Variants in PDXDC1 observed in about 807,000 individuals in gnomAD.
PDXDC1 encodes pyridoxal dependent decarboxylase domain containing 1.
PDXDC1 carries 42 observed loss-of-function variants against 100.1 expected under a neutral mutation model. That is an observed-to-expected ratio of 0.42 (90% CI 0.33 to 0.54). The LOEUF (loss-of-function observed/expected upper bound fraction) is 0.54. PDXDC1 is among the 20% of genes least tolerant of loss of function. PDXDC1 has a pLI of 0.10. For missense variants in PDXDC1, 636 were observed against 979.2 expected (o/e 0.65, Z 4.68); for synonymous variants, 260 against 371.7 (o/e 0.70, Z 3.46).
At chr16:15,147,209 T>G in the PDXDC1 span, among the ~76,000 whole-genome samples, 1 of 142,942 alleles carries the variant, frequency 7.0e-6, no homozygotes, top group African/African-American at 2.7e-5. Context: ...TGCACCTGGG[T>G]GCAGGGCCCC....
intron 16 of PDXDC1, among the ~76,000 whole-genome samples, chr16:15,096,962 C>G (rs1437093843): frequency 3.9e-5 from 6 of 152,162 alleles, no homozygotes; most frequent in African/African-American, 1.4e-4. Flanking sequence ...CCCATTCTTT[C>G]CCTTAAAAAA....
chr16:15,024,712 C>T (rs2042456976), intron 13 of PDXDC1, among the ~76,000 whole-genome samples: 1 of 152,282 alleles, frequency 6.6e-6, no homozygotes, highest in Non-Finnish European at 1.5e-5. Context: ...CGCCCAGCCT[C>T]CCCAGTCCCA....
chr16:15,001,900 G>C (rs1241964705), intron 4 of PDXDC1, 44 bp downstream of exon 4: 3 of 1,516,976 alleles, frequency 2.0e-6, no homozygotes, highest in East Asian at 4.9e-5. Flanking sequence ...ATGTGTTCTT[G>C]ATTTCAGTAG....
intron 16 of PDXDC1, chr16:15,047,643 C>T: frequency 2.0e-6 from 2 of 1,015,844 alleles, no homozygotes; most frequent in Non-Finnish European, 3.1e-6. Context: ...ACCGCCTCAT[C>T]TTTGAATATC....
chr16:15,096,570 C>T (rs1228710357), intron 16 of PDXDC1, among the ~76,000 whole-genome samples: 1 of 152,226 alleles, frequency 6.6e-6, no homozygotes, highest in African/African-American at 2.4e-5. Flanking sequence ...CCGTAGCTCA[C>T]AAAGATACTT....
At chr16:15,046,178 C>T (rs2044053007) in intron 16 of PDXDC1, 1 of 152,322 alleles carries the variant, frequency 6.6e-6, no homozygotes. Context: ...TCCATGAAGC[C>T]AGCCCAGCCT....
downstream of PDXDC1, among the ~76,000 whole-genome samples, chr16:15,141,415 A>G (rs939454533): frequency 1.1e-4 from 17 of 152,256 alleles, no homozygotes; most frequent in African/African-American, 4.1e-4. Context: ...CTGGGCGCCC[A>G]GACAGATGAG....
downstream of PDXDC1, chr16:15,038,582 T>G (rs2043656523): frequency 6.4e-7 from 1 of 1,561,098 alleles, no homozygotes; most frequent in African/African-American, 1.4e-5. Flanking sequence ...ACCTCTAGTA[T>G]TTGCTTGTCA....
intron 16 of PDXDC1, chr16:15,047,818 G>A (rs771046781): frequency 2.6e-6 from 4 of 1,543,762 alleles, no homozygotes; most frequent in Non-Finnish European, 1.8e-6. Context: ...GGTTGGGTCA[G>A]TTTAAGTAAT....
intron 16 of PDXDC1, among the ~76,000 whole-genome samples, chr16:15,030,544 C>CA (rs1156634836): frequency 0.013 from 505 of 38,290 alleles, 42 homozygotes; most frequent in Middle Eastern, 0.067. Context: ...GACTCCATCT[C>CA]AAAAAAAAAA....
chr16:15,132,522 G>A (rs562102719), intron 16 of PDXDC1, among the ~76,000 whole-genome samples: 17 of 150,516 alleles, frequency 1.1e-4, no homozygotes, highest in African/African-American at 3.4e-4. Context: ...TGGGTCCCCC[G>A]AGAGGCACCC....
chr16:15,128,721 C>G (rs2047895316), intron 16 of PDXDC1, among the ~76,000 whole-genome samples: 1 of 152,138 alleles, frequency 6.6e-6, no homozygotes, highest in South Asian at 2.1e-4. Flanking sequence ...TGACCCGCAC[C>G]ACACACCCGT....
intron 16 of PDXDC1, among the ~76,000 whole-genome samples, chr16:15,081,567 C>T (rs2045704339): frequency 6.6e-6 from 1 of 152,186 alleles, no homozygotes; most frequent in African/African-American, 2.4e-5. Context: ...GAGTTCTTTA[C>T]ATATACAAGT....
At chr16:15,024,196 CAATAA>C (rs1227453593) in intron 13 of PDXDC1, among the ~76,000 whole-genome samples, 2 of 152,276 alleles carry the variant, frequency 1.3e-5, no homozygotes, top group Non-Finnish European at 2.9e-5. Context: ...GTAGAGGATA[CAATAA>C]TTGGCTAATA....
intron 16 of PDXDC1, chr16:15,086,371 A>T (rs1165675345): frequency 1.2e-6 from 2 of 1,613,644 alleles, no homozygotes; most frequent in Non-Finnish European, 8.5e-7. Context: ...TTACTAATAT[A>T]ATACTGATAA....
Position 15,028,916 on chromosome 16 carries a change from C to G in PDXDC1, c.1243C>G (p.Pro415Ala). The change falls in exon 15 of 23, where the codon CCT becomes GCT. Residue 415 changes from proline to alanine, a missense_variant. Around this residue, in one of 4 missense-constraint regions of PDXDC1, gnomAD observed 44 missense variants for 46.9 expected, o/e 0.94. Coordinates refer to ENST00000396410, the MANE Select transcript of PDXDC1 (RefSeq NM_015027.4). ...FKAVPVPNMT[P>A]SGVGRERHSC... ...AGCCGTCCCAGTGCCCAACATGACA[C>G]CTTCAGGAGTCGGCCGGGAGAGGCA... 1 of 1,613,980 alleles carries G rather than the reference C, an allele frequency of 6.2e-7. No individual in the cohort carries two copies. Among genetic ancestry groups the G allele is most frequent in the South Asian group, 1.1e-5 (1 of 91,080 alleles).
intron 12 of PDXDC1, among the ~76,000 whole-genome samples, chr16:15,021,830 TTCCTTCTCTTC>T (rs1313624427): frequency 1.3e-5 from 2 of 152,288 alleles, no homozygotes; most frequent in African/African-American, 4.8e-5. Flanking sequence ...CATCCTCCTC[TTCCTTCTCTTC>T]TCCCTCTCTT....
At chr16:15,098,950 T>C (rs2046448451) in intron 16 of PDXDC1, among the ~76,000 whole-genome samples, 1 of 152,192 alleles carries the variant, frequency 6.6e-6, no homozygotes. Flanking sequence ...CTCATCTCTC[T>C]AGCCAGTGTC....
chr16:15,069,939 T>G lies in PDXDC1; in HGVS notation c.1399+39883T>G. 2.9e-6 allele frequency: 4 copies of G among 1,367,316 alleles called. No individual in the cohort carries two copies. The South Asian group carries it at 5.3e-5, about 18-fold the overall frequency. The allele number at this position is 1,367,316 out of a possible 1,614,324, so 84.7% of individuals were successfully genotyped here. On this transcript the variant is annotated intron_variant, in intron 16 of 16. Transcript: ENST00000535621. Reference sequence around the variant, plus strand: ...CCTATGAGCTGCTTGAAATTATTATTAAAAGTTTGAGTGCACATGCAGTTT... The same window carrying G: ...CCTATGAGCTGCTTGAAATTATTATGAAAAGTTTGAGTGCACATGCAGTTT...
Sources: allele counts gnomAD v4.1 joint callset (sites outside exome capture counted in the v4.1 genomes callset), GRCh38; gene constraint gnomAD v4.1.1; regional missense constraint gnomAD v4.1.1; transcripts MANE v1.5; gene names NCBI Gene and HGNC (gene_info 2026-07-23, HGNC 2026-07-21).